The following DGKB variants were observed in gnomAD, a reference collection of about 807,000 sequenced individuals.
The protein encoded by DGKB is diacylglycerol kinase beta.
In DGKB, 67 loss-of-function variants were observed where a neutral mutation model predicts 114.3. The observed-to-expected ratio is 0.59, with a 90% CI of 0.48 to 0.72. The LOEUF (loss-of-function observed/expected upper bound fraction) is 0.72, where lower values mean the gene tolerates loss of function less well. Ranked by LOEUF, DGKB falls within the 30% of genes least tolerant of loss-of-function variation. DGKB has a pLI of 0.00. For synonymous variants in DGKB, 398 were observed against 323.1 expected (o/e 1.23, Z -2.49); for missense variants, 907 against 975.2 (o/e 0.93, Z 0.93).
Position 14,294,702 on chromosome 7 carries a change from T to G in DGKB, c.2122+43813A>C, listed in dbSNP as rs145582644. On this transcript the variant is annotated intron_variant, in intron 23 of 25. Transcript: ENST00000402815. ...TTTTATAGAACTTCCTCAAAAACAG[T>G]TAATACATTTTGTTGCAACCTATTA... 7.2e-5 allele frequency among the ~76,000 whole-genome samples: 11 copies of G among 152,300 alleles called. No homozygotes were observed. The East Asian group carries it at 1.9e-3, about 27-fold the overall frequency.
chr7:14,188,656 T>TC (rs2128265380), intron 23 of DGKB, among the ~76,000 whole-genome samples: 1 of 91,284 alleles, frequency 1.1e-5, no homozygotes, highest in African/African-American at 6.0e-5. Context: ...CGAGACTCCG[T>TC]CTCAAAAAAA....
chr7:14,318,504 G>A (rs924953936), intron 23 of DGKB, among the ~76,000 whole-genome samples: 2 of 152,182 alleles, frequency 1.3e-5, no homozygotes, highest in African/African-American at 4.8e-5. Flanking sequence ...CTCAAAAGAA[G>A]ACATTTATGC....
chr7:14,174,425 G>A (rs1781434470), intron 25 of DGKB, among the ~76,000 whole-genome samples: 1 of 152,084 alleles, frequency 6.6e-6, no homozygotes, highest in Non-Finnish European at 1.5e-5. Flanking sequence ...CTTTTTTTAG[G>A]ATATTACCAT....
intron 23 of DGKB, among the ~76,000 whole-genome samples, chr7:14,333,287 C>A (rs556254701): frequency 6.6e-6 from 1 of 151,624 alleles, no homozygotes; most frequent in African/African-American, 2.4e-5. Context: ...TGAAATACCC[C>A]TCTACTAAAA....
At chr7:14,837,841 T>C (rs2128132853) in intron 2 of DGKB, among the ~76,000 whole-genome samples, 1 of 152,340 alleles carries the variant, frequency 6.6e-6, no homozygotes, top group South Asian at 2.1e-4. Flanking sequence ...GTTCTAATCA[T>C]GATATTCTTT....
chr7:14,224,850 T>C (rs1190846809), intron 23 of DGKB, among the ~76,000 whole-genome samples: 1 of 152,082 alleles, frequency 6.6e-6, no homozygotes, highest in Non-Finnish European at 1.5e-5. Context: ...ATTTCACTAA[T>C]TACCAGCCTC....
intron 9 of DGKB, among the ~76,000 whole-genome samples, chr7:14,691,661 C>T (rs1221996219): frequency 6.6e-6 from 1 of 151,826 alleles, no homozygotes; most frequent in Non-Finnish European, 1.5e-5. Flanking sequence ...TATTAAAAGA[C>T]AGCTTAAAAT....
chr7:14,720,938 A>G (rs879193893), intron 5 of DGKB, among the ~76,000 whole-genome samples: 8 of 152,156 alleles, frequency 5.3e-5, no homozygotes, highest in African/African-American at 1.9e-4. Context: ...ACTTATGATA[A>G]AAAACATTTT....
intron 21 of DGKB, among the ~76,000 whole-genome samples, chr7:14,465,313 T>C (rs12699619): frequency 0.35 from 53,208 of 151,040 alleles, 9,656 homozygotes; most frequent in South Asian, 0.41. Context: ...TCTCAAGCTA[T>C]ACAAAATAAC....
At chr7:14,811,460 T>C (rs969189305) in intron 2 of DGKB, among the ~76,000 whole-genome samples, 3 of 152,174 alleles carry the variant, frequency 2.0e-5, no homozygotes, top group Non-Finnish European at 4.4e-5. Flanking sequence ...ATTACATGCT[T>C]TTAAACATTG....
chr7:14,368,003 A>T (rs1816975854), intron 21 of DGKB, among the ~76,000 whole-genome samples: 2 of 152,140 alleles, frequency 1.3e-5, no homozygotes, highest in Admixed American at 1.3e-4. Flanking sequence ...CATATCATAT[A>T]TTAAATGCAT....
In DGKB at chr7:14,186,038, A is replaced by C. The variant is rs568636372; in HGVS notation, c.2123-7887T>G. Among the ~76,000 whole-genome samples the C allele has an allele frequency of 2.4e-3, 366 of 152,348 alleles. 1 individual carries two copies. Among genetic ancestry groups the C allele is most frequent in the African/African-American group, 8.6e-3 (359 of 41,572 alleles). Reference sequence around the variant, plus strand: ...TAGCTGGGACCTAATTAAACTAAAGAGCTTTTGCATGGCAAAAGGAACAGT... The same window carrying C: ...TAGCTGGGACCTAATTAAACTAAAGCGCTTTTGCATGGCAAAAGGAACAGT... On this transcript the variant is annotated intron_variant, in intron 23 of 25. Coordinates refer to ENST00000402815, the MANE Select transcript of DGKB (RefSeq NM_001350709.2).
At position 14,289,290 on chromosome 7, in the gene DGKB, T is replaced by C. The variant is rs1363425254; in HGVS notation, c.2122+49225A>G. Among the ~76,000 whole-genome samples the C allele has an allele frequency of 4.0e-5, 6 of 151,230 alleles. No individual in the cohort carries two copies. The East Asian group carries it at 1.2e-3, about 30-fold the overall frequency. ...AGGGCAACATTAGTAATGAGACAAA[T>C]AGAGTGATCCTTGACTCTAATTAGA... On this transcript the variant is annotated intron_variant, in intron 23 of 25. Coordinates refer to ENST00000402815, the MANE Select transcript of DGKB (RefSeq NM_001350709.2).
At chr7:14,895,649 G>C (rs551423490) in intron 1 of DGKB, among the ~76,000 whole-genome samples, 63 of 151,030 alleles carry the variant, frequency 4.2e-4, no homozygotes, top group Non-Finnish European at 6.8e-4. Context: ...TTCTTTCACC[G>C]ATCCTGGCAG....
At chr7:14,242,341 T>C (rs10441026) in intron 23 of DGKB, among the ~76,000 whole-genome samples, 80,754 of 152,008 alleles carry the variant, frequency 0.53, 21,989 homozygotes, top group African/African-American at 0.63. Flanking sequence ...CCTTACATTG[T>C]CCTGAAAGTG....
chr7:14,483,697 G>A (rs61207348), intron 20 of DGKB, among the ~76,000 whole-genome samples: 11,009 of 152,106 alleles, frequency 0.072, 808 homozygotes, highest in East Asian at 0.42. Context: ...CAGGTGGGAC[G>A]TAATTCCCTT....
chr7:14,257,219 A>T (rs1417341631), intron 23 of DGKB, among the ~76,000 whole-genome samples: 4 of 152,092 alleles, frequency 2.6e-5, no homozygotes, highest in Non-Finnish European at 5.9e-5. Context: ...TTTTATTCTA[A>T]TTTTTTTAAA....
chr7:14,775,039 A>G (rs1228489119), intron 2 of DGKB, among the ~76,000 whole-genome samples: 1 of 152,144 alleles, frequency 6.6e-6, no homozygotes, highest in Non-Finnish European at 1.5e-5. Flanking sequence ...TGATTTTTCT[A>G]CCTGGAAATG....
chr7:14,188,142 T>C (rs1783721011), intron 23 of DGKB, among the ~76,000 whole-genome samples: 1 of 151,886 alleles, frequency 6.6e-6, no homozygotes, highest in African/African-American at 2.4e-5. Context: ...TCTTTTGAAA[T>C]AGCCCAGCCA....
Sources: gnomAD v4.1 joint callset for allele counts (sites outside exome capture counted in the v4.1 genomes callset) on GRCh38, gnomAD v4.1.1 for gene constraint, MANE v1.5 for transcripts, NCBI Gene and HGNC (gene_info 2026-07-23, HGNC 2026-07-21) for gene names.